The following NR6A1 variants were observed in gnomAD, a reference collection of about 807,000 sequenced individuals.
The protein encoded by NR6A1 is nuclear receptor subfamily 6 group A member 1, also known as retinoic acid receptor-related testis-associated receptor.
A neutral mutation model predicts 59.1 loss-of-function variants in NR6A1; 7 were observed. The ratio of observed to expected loss-of-function variants is 0.12; its 90% CI spans 0.07 to 0.22. The LOEUF (loss-of-function observed/expected upper bound fraction) is 0.22, where lower values mean the gene tolerates loss of function less well. Among genes scored for constraint, NR6A1 ranks in the 10% least tolerant of loss-of-function variants. NR6A1 has a pLI of 1.00. For missense variants in NR6A1, 468 were observed against 611.6 expected (o/e 0.77, Z 2.48); for synonymous variants, 243 against 236.1 (o/e 1.03, Z -0.27).
Position 124,536,132 on chromosome 9 carries a change from T to C in NR6A1, c.825A>G (p.Gly275=). ...PLGTPMLIED[G]YAVTQAELFA... ...ATAGTTCTGCCTGTGTCACAGCGTA[T>C]CTGAGGGGCAGGGACAGGGGAAAGT... The change falls in exon 7 of 10, where the codon GGA becomes GGG. Residue 275 remains glycine (G), a splice_region_variant and synonymous_variant. Transcript: ENST00000487099. 6.2e-7 allele frequency: 1 copy of C among 1,611,436 alleles called. No individual in the cohort carries two copies. Among genetic ancestry groups the C allele is most frequent in the Non-Finnish European group, 8.5e-7 (1 of 1,178,220 alleles).
intron 2 of NR6A1, among the ~76,000 whole-genome samples, chr9:124,613,401 C>A (rs1450951095): frequency 6.6e-6 from 1 of 152,100 alleles, no homozygotes; most frequent in Admixed American, 6.5e-5. Flanking sequence ...AATACCACCA[C>A]TTTTGAAGGC....
chr9:124,725,058 C>T (rs908377902), intron 2 of NR6A1, among the ~76,000 whole-genome samples: 10 of 152,176 alleles, frequency 6.6e-5, no homozygotes, highest in African/African-American at 9.7e-5. Flanking sequence ...TGTATCAAGT[C>T]GGTCCTTGTT....
chr9:124,522,940 C>CA (rs1588633382), intron 9 of NR6A1, 147 bp from the exon 10 acceptor site: 4 of 620,148 alleles, frequency 6.5e-6, no homozygotes, highest in Non-Finnish European at 1.2e-5. Flanking sequence ...AGGTTGGACA[C>CA]ACTGGGCTAA....
chr9:124,718,839 G>A (rs1839479860), intron 2 of NR6A1, among the ~76,000 whole-genome samples: 1 of 138,162 alleles, frequency 7.2e-6, no homozygotes, highest in East Asian at 2.1e-4. Context: ...TTTAAAGACA[G>A]GGTCTCGTTC....
intron 2 of NR6A1, among the ~76,000 whole-genome samples, chr9:124,613,609 C>T (rs973502302): frequency 2.0e-4 from 31 of 152,078 alleles, no homozygotes; most frequent in Admixed American, 1.9e-3. Context: ...TGCACTGAGG[C>T]GTGAGCAAGC....
At chr9:124,731,060 T>C (rs1310760376) in intron 2 of NR6A1, among the ~76,000 whole-genome samples, 1 of 152,114 alleles carries the variant, frequency 6.6e-6, no homozygotes, top group Admixed American at 6.6e-5. Flanking sequence ...TCCTTCCTAG[T>C]GTTCAAAAAT....
At chr9:124,729,702 C>T (rs1407189817) in intron 2 of NR6A1, among the ~76,000 whole-genome samples, 1 of 152,218 alleles carries the variant, frequency 6.6e-6, no homozygotes, top group South Asian at 2.1e-4. Context: ...TTTAACACAA[C>T]ACACATAGCC....
chr9:124,657,303 A>G (rs1837289099), intron 2 of NR6A1, among the ~76,000 whole-genome samples: 1 of 152,242 alleles, frequency 6.6e-6, no homozygotes, highest in African/African-American at 2.4e-5. Context: ...CAAAATTTAC[A>G]GCAAAAGAGA....
chr9:124,632,663 G>T, intron 2 of NR6A1, among the ~76,000 whole-genome samples: 1 of 152,170 alleles, frequency 6.6e-6, no homozygotes, highest in East Asian at 1.9e-4. Context: ...GCAATGTGCT[G>T]TTCCTAAAAG....
At chr9:124,583,257 C>T (rs1834825720) in intron 2 of NR6A1, among the ~76,000 whole-genome samples, 1 of 150,252 alleles carries the variant, frequency 6.7e-6, no homozygotes, top group African/African-American at 2.4e-5. Context: ...GAAAATACAA[C>T]AGACTCCCTT....
chr9:124,769,780 G>A (rs567765959), intron 1 of NR6A1, among the ~76,000 whole-genome samples: 6 of 152,340 alleles, frequency 3.9e-5, no homozygotes, highest in South Asian at 4.1e-4. Flanking sequence ...CCGCCGGAGC[G>A]TTTGCCGGCC....
chr9:124,649,157 A>G (rs1837024308), intron 2 of NR6A1, among the ~76,000 whole-genome samples: 1 of 150,772 alleles, frequency 6.6e-6, no homozygotes, highest in Non-Finnish European at 1.5e-5. Context: ...AACTAAAAGA[A>G]CACAGGTGGA....
chr9:124,734,734 G>A (rs1237322764), intron 1 of NR6A1, among the ~76,000 whole-genome samples: 4 of 152,180 alleles, frequency 2.6e-5, no homozygotes, highest in South Asian at 4.2e-4. Context: ...AGGACTAGAG[G>A]GGTATGAAAG....
intron 2 of NR6A1, among the ~76,000 whole-genome samples, chr9:124,673,374 C>T (rs748858576): frequency 3.9e-5 from 6 of 151,992 alleles, no homozygotes; most frequent in Non-Finnish European, 4.4e-5. Flanking sequence ...CATAAAACTC[C>T]CATAATTTAA....
intron 2 of NR6A1, among the ~76,000 whole-genome samples, chr9:124,731,910 G>A (rs558056295): frequency 6.6e-6 from 1 of 152,124 alleles, no homozygotes; most frequent in East Asian, 1.9e-4. Context: ...CTGTGCAGGG[G>A]GTTGTCATCC....
At chr9:124,672,609 C>T (rs984972420) in intron 2 of NR6A1, among the ~76,000 whole-genome samples, 1 of 149,744 alleles carries the variant, frequency 6.7e-6, no homozygotes, top group African/African-American at 2.5e-5. Flanking sequence ...AGCGAGACTC[C>T]GTTTCAAAAA....
intron 1 of NR6A1, chr9:124,770,139 G>A (rs1278485749): frequency 6.6e-6 from 1 of 152,310 alleles, no homozygotes; most frequent in Non-Finnish European, 1.5e-5. Context: ...GAGGAGAACT[G>A]AGACTAAGAG....
Position 124,703,683 on chromosome 9 carries a change from G to A in NR6A1, c.142+29625C>T, listed in dbSNP as rs912984614. Reference sequence around the variant, plus strand: ...TTAAAAGATTTTTACACCTGTGTTCGTAAAGGGCTACTGATCTGCAGGTTC... The same window carrying A: ...TTAAAAGATTTTTACACCTGTGTTCATAAAGGGCTACTGATCTGCAGGTTC... On this transcript the variant is annotated intron_variant, in intron 2 of 9. Transcript: ENST00000487099. Among the ~76,000 whole-genome samples, 5 of 152,254 alleles carry A rather than the reference G, an allele frequency of 3.3e-5. No individual in the cohort carries two copies. The East Asian group carries it at 5.8e-4, about 18-fold the overall frequency.
At chr9:124,697,328 G>A (rs1838798147) in intron 2 of NR6A1, among the ~76,000 whole-genome samples, 1 of 152,252 alleles carries the variant, frequency 6.6e-6, no homozygotes, top group Admixed American at 6.5e-5. Flanking sequence ...AGTATATAAC[G>A]TAAAAGGCAG....
Sources: gnomAD v4.1 joint callset for allele counts (sites outside exome capture counted in the v4.1 genomes callset) on GRCh38, gnomAD v4.1.1 for gene constraint, MANE v1.5 for transcripts, NCBI Gene and HGNC (gene_info 2026-07-23, HGNC 2026-07-21) for gene names.